The following GHR variants were observed in gnomAD, a reference collection of about 807,000 sequenced individuals.
GHR encodes growth hormone receptor.
A neutral mutation model predicts 67.1 loss-of-function variants in GHR; 35 were observed. The observed-to-expected ratio is 0.52, with a 90% CI of 0.40 to 0.69. The LOEUF (loss-of-function observed/expected upper bound fraction) is 0.69, where lower values mean the gene tolerates loss of function less well. Ranked by LOEUF, GHR falls within the 30% of genes least tolerant of loss-of-function variation. The probability of loss-of-function intolerance (pLI) is 0.00; values close to 1 mark genes in which losing one functional copy is unlikely to be tolerated. For synonymous variants in GHR, 272 were observed against 269.1 expected (o/e 1.01, Z -0.10); for missense variants, 792 against 764.6 (o/e 1.04, Z -0.42).
At chr5:42,514,519 CAATATAAATGGG>C (rs1179198951) in intron 1 of GHR, among the ~76,000 whole-genome samples, 2 of 151,188 alleles carry the variant, frequency 1.3e-5, no homozygotes, top group Non-Finnish European at 2.9e-5. Context: ...ACCCTATAAC[CAATATAAATGGG>C]TAATTCAGCA....
chr5:42,616,856 G>C (rs1753179595), intron 2 of GHR, among the ~76,000 whole-genome samples: 1 of 151,976 alleles, frequency 6.6e-6, no homozygotes, highest in Admixed American at 6.6e-5. Flanking sequence ...ATTTTTAAAA[G>C]ACAGTAATGT....
At chr5:42,434,359 C>T (rs1173945465) in intron 1 of GHR, among the ~76,000 whole-genome samples, 1 of 152,160 alleles carries the variant, frequency 6.6e-6, no homozygotes, top group Non-Finnish European at 1.5e-5. Context: ...GAGTTGTAGG[C>T]TTTTGGTGCC....
chr5:42,571,769 C>G (rs182893697), intron 2 of GHR, among the ~76,000 whole-genome samples: 12 of 152,294 alleles, frequency 7.9e-5, no homozygotes, highest in Admixed American at 2.0e-4. Context: ...CAGAGCCAGT[C>G]CTGGTTATAT....
At chr5:42,623,392 G>C (rs1005258385) in intron 2 of GHR, among the ~76,000 whole-genome samples, 1 of 152,090 alleles carries the variant, frequency 6.6e-6, no homozygotes, top group African/African-American at 2.4e-5. Context: ...TCAAAATTAA[G>C]TTCTTTGGCT....
intron 2 of GHR, among the ~76,000 whole-genome samples, chr5:42,625,605 A>C (rs112825489): frequency 0.078 from 11,835 of 152,180 alleles, 535 homozygotes; most frequent in Middle Eastern, 0.15. Flanking sequence ...AAATACATTT[A>C]AGAAATACGT....
intron 9 of GHR, 146 bp downstream of exon 9, chr5:42,718,267 C>T: frequency 1.4e-6 from 1 of 718,548 alleles, no homozygotes. Flanking sequence ...TTTAAATATT[C>T]TATTTCTTAA....
chr5:42,659,554 C>G (rs1372059113), intron 3 of GHR, among the ~76,000 whole-genome samples: 1 of 152,170 alleles, frequency 6.6e-6, no homozygotes, highest in African/African-American at 2.4e-5. Context: ...GTGTATTACT[C>G]CATCCTCACA....
chr5:42,583,306 G>C (rs1751288688), intron 2 of GHR, among the ~76,000 whole-genome samples: 1 of 152,160 alleles, frequency 6.6e-6, no homozygotes, highest in Non-Finnish European at 1.5e-5. Context: ...ACTTAGAAAT[G>C]GAAACCCACT....
At position 42,641,444 on chromosome 5, in the gene GHR, C is replaced by T. The variant is rs753225772; in HGVS notation, c.136+12341C>T. ...AGGCTTTGATGATCAATTTTAACAA[C>T]CGCAATATATAATACAGTAACTAAT... On this transcript the variant is annotated intron_variant, in intron 3 of 9. Coordinates refer to ENST00000230882, the MANE Select transcript of GHR (RefSeq NM_000163.5). Among the ~76,000 whole-genome samples the T allele has an allele frequency of 5.3e-5, 8 of 152,158 alleles. No individual in the cohort carries two copies. In the East Asian group the frequency reaches 5.8e-4, roughly 11 times the overall value.
At chr5:42,681,553 TTCC>T (rs1195765193) in intron 3 of GHR, among the ~76,000 whole-genome samples, 1 of 152,194 alleles carries the variant, frequency 6.6e-6, no homozygotes, top group South Asian at 2.1e-4. Context: ...AGTGTGGCAA[TTCC>T]TCAAGGATCT....
chr5:42,721,066 A>T lies in GHR; in HGVS notation c.*1642A>T, dbSNP rs1758998791. ...CAGCCTCCTGAGTAGCTGGGACTAC[A>T]GGCACGCACCACCATGCCAGGCTAA... On this transcript the variant is annotated 3_prime_UTR_variant, in exon 10 of 10. Transcript: ENST00000230882. 6.6e-6 allele frequency: 1 copy of T among 152,248 alleles called. No individual in the cohort carries two copies. The highest frequency in any genetic ancestry group is 1.9e-4 in the East Asian group (1 of 5,178). 9.4% of individuals were successfully genotyped at this position (152,248 alleles called of 1,614,324 possible).
At chr5:42,506,766 CT>C (rs1746797038) in intron 1 of GHR, among the ~76,000 whole-genome samples, 2 of 152,116 alleles carry the variant, frequency 1.3e-5, no homozygotes, top group Non-Finnish European at 2.9e-5. Flanking sequence ...TATATATTCC[CT>C]GTAGAAATCT....
intron 1 of GHR, among the ~76,000 whole-genome samples, chr5:42,475,253 C>T (rs1007482961): frequency 4.6e-5 from 7 of 152,190 alleles, no homozygotes; most frequent in African/African-American, 1.7e-4. Flanking sequence ...GTAAAGAGCA[C>T]TGGATTTATG....
Position 42,424,331 on chromosome 5 carries a change from G to GT in GHR, c.-12+380dup, listed in dbSNP as rs1742747318. 3 of 572,048 alleles carry GT rather than the reference G, an allele frequency of 5.2e-6. No homozygotes were observed. Among genetic ancestry groups the GT allele is most frequent in the Non-Finnish European group, 9.4e-6 (3 of 319,074 alleles). The allele number at this position is 572,048 out of a possible 1,614,324, so 35.4% of individuals were successfully genotyped here. A position where few individuals can be genotyped will look rare whatever the true frequency, so the allele number is the denominator to read the frequency against. On this transcript the variant is annotated intron_variant, in intron 1 of 9. Transcript: ENST00000230882. This position sits in a 1 kb window ranked among gnomAD's most constrained non-coding sequence, Gnocchi z 4.1. Reference sequence around the variant, plus strand: ...CGTGGAGGGGTTTACTCCGGAGACAGTTTTGTTAAAGTCATAAAAGTTTTG... The same window carrying GT: ...CGTGGAGGGGTTTACTCCGGAGACAGTTTTTGTTAAAGTCATAAAAGTTTTG...
chr5:42,424,321 T>C lies in GHR; in HGVS notation c.-12+366T>C, dbSNP rs1220602437. On this transcript the variant is annotated intron_variant, in intron 1 of 9. Transcript: ENST00000230882. The surrounding 1 kb of genome is among the most constrained non-coding windows in gnomAD (Gnocchi z 4.1). ...GAGTAGTGTACGTGGAGGGGTTTAC[T>C]CCGGAGACAGTTTTGTTAAAGTCAT... is the stretch of plus-strand genomic sequence containing the variant. 7.2e-6 allele frequency: 4 copies of C among 552,176 alleles called. No individual in the cohort carries two copies. In the East Asian group the frequency reaches 1.2e-4, roughly 17 times the overall value. The allele number at this position is 552,176 out of a possible 1,614,324, so 34.2% of individuals were successfully genotyped here.
intron 1 of GHR, chr5:42,468,042 G>A: frequency 1.2e-6 from 1 of 843,112 alleles, no homozygotes; most frequent in Non-Finnish European, 1.9e-6. Context: ...TCAGCTTTCT[G>A]GATTCTTCCT....
At chr5:42,570,900 G>A (rs1218595887) in intron 2 of GHR, among the ~76,000 whole-genome samples, 1 of 152,158 alleles carries the variant, frequency 6.6e-6, no homozygotes, top group Non-Finnish European at 1.5e-5. Context: ...GGAAGTTGAT[G>A]ACAATAGGTC....
chr5:42,627,426 AG>A (rs1753757567), intron 2 of GHR, among the ~76,000 whole-genome samples: 2 of 152,214 alleles, frequency 1.3e-5, no homozygotes, highest in African/African-American at 4.8e-5. Context: ...AATTTTTAAA[AG>A]GGGGATTATT....
intron 1 of GHR, among the ~76,000 whole-genome samples, chr5:42,433,732 A>ATTTTTTTTTTTTTT (rs35539827): frequency 7.7e-5 from 6 of 77,584 alleles, no homozygotes; most frequent in African/African-American, 1.1e-4. Context: ...AAGATATGGT[A>ATTTTTTTTTTTTTT]TTTTTTTTTT....
Sources: allele counts gnomAD v4.1 joint callset (sites outside exome capture counted in the v4.1 genomes callset), GRCh38; gene constraint gnomAD v4.1.1; non-coding constraint Gnocchi (gnomAD v3.1); transcripts MANE v1.5; gene names NCBI Gene and HGNC (gene_info 2026-07-23, HGNC 2026-07-21).